Variants in ELFN2 observed in about 807,000 individuals in gnomAD.
ELFN2 encodes protein phosphatase 1 regulatory subunit 29.
A neutral mutation model predicts 45.5 loss-of-function variants in ELFN2; 17 were observed. The observed-to-expected ratio is 0.37, with a 90% CI of 0.26 to 0.56. The LOEUF (loss-of-function observed/expected upper bound fraction) is 0.56, where lower values mean the gene tolerates loss of function less well. Among genes scored for constraint, ELFN2 ranks in the 20% least tolerant of loss-of-function variants. The pLI is 0.77. For synonymous variants in ELFN2, 550 were observed against 551.5 expected (o/e 1.00, Z 0.04); for missense variants, 922 against 1,183.2 (o/e 0.78, Z 3.24).
intron 2 of ELFN2, among the ~76,000 whole-genome samples, chr22:37,400,986 G>A (rs933059864): frequency 2.6e-5 from 4 of 152,238 alleles, no homozygotes; most frequent in Non-Finnish European, 4.4e-5. Flanking sequence ...GCCAAGTCCT[G>A]GGGACGGTGC....
In ELFN2 at chr22:37,371,502, T is replaced by C. The variant is rs559224614; in HGVS notation, c.*1570A>G. On this transcript the variant is annotated 3_prime_UTR_variant, in exon 3 of 3. Coordinates refer to ENST00000402918, the MANE Select transcript of ELFN2 (RefSeq NM_052906.5). The surrounding 1 kb of genome is among the most constrained non-coding windows in gnomAD (Gnocchi z 6.4). ...GCTCCCACCCAGAGGTGAAGGATGA[T>C]GGACTCCGGCCCATCAGCATCCTGA... 6.6e-6 allele frequency: 1 copy of C among 152,294 alleles called. No homozygotes were observed. The highest frequency in any genetic ancestry group is 2.1e-4 in the South Asian group (1 of 4,828). 9.4% of individuals were successfully genotyped at this position (152,294 alleles called of 1,614,324 possible).
In ELFN2 at chr22:37,374,885, G is replaced by A. The variant is rs762221074; in HGVS notation, c.650C>T (p.Ser217Leu). ...CGGGTAGCCGGCAAACTCCCGCGGC[G>A]ACTCACACTGCAGGCGGTCGTAGTT... is the stretch of plus-strand genomic sequence containing the variant. ...TKNYDRLQCE[S>L]PREFAGYPLL... The change falls in exon 3 of 3, where the codon TCG (serine) becomes TTG (leucine). Residue 217 changes from serine to leucine, a missense_variant. Physicochemically the swap from Ser to Leu is moderately radical, Grantham distance 145 (BLOSUM62 -2). Coordinates refer to ENST00000402918, the MANE Select transcript of ELFN2 (RefSeq NM_052906.5). 9.9e-6 allele frequency: 16 copies of A among 1,611,166 alleles called. No individual in the cohort carries two copies. The highest frequency in any genetic ancestry group is 1.6e-4 in the Middle Eastern group (1 of 6,062).
In ELFN2 at chr22:37,417,109, G is replaced by A. The variant is rs1011683106; in HGVS notation, c.-463+660C>T. On this transcript the variant is annotated intron_variant, in intron 2 of 2. Transcript: ENST00000402918. The surrounding 1 kb of genome is among the most constrained non-coding windows in gnomAD (Gnocchi z 4.5). ...ACGTGGCCGCCACCAACACAGCCTC[G>A]GTGACAGCCCCAGCCTCTCCTCTCC... Among the ~76,000 whole-genome samples, 3 of 151,756 alleles carry A rather than the reference G, an allele frequency of 2.0e-5. No individual in the cohort carries two copies. The highest frequency in any genetic ancestry group is 4.4e-5 in the Non-Finnish European group (3 of 67,942).
At chr22:37,385,160 AG>A (rs1350399785) in intron 2 of ELFN2, 1 of 152,224 alleles carries the variant, frequency 6.6e-6, no homozygotes, top group Non-Finnish European at 1.5e-5. Context: ...TAGCCCGGGG[AG>A]GGATGGGCGG....
rs184211199 is a variant in ELFN2, at chr22:37,352,538, T to C, written n.149-9835A>G. On this transcript the variant is annotated intron_variant and non_coding_transcript_variant, in intron 1 of 2. Coordinates refer to ENST00000452946, the Ensembl canonical transcript of ELFN2. ...GATGCTGACCCAGGGTAAGGCCATA[T>C]AGGAGGGCTCAGGGAAGACACCACA... is the stretch of plus-strand genomic sequence containing the variant. 1.9e-3 allele frequency: 292 copies of C among 150,792 alleles called. 19 individuals are homozygous for C. Among genetic ancestry groups the C allele is most frequent in the Non-Finnish European group, 4.3e-4 (29 of 67,154 alleles). The allele number at this position is 150,792 out of a possible 1,614,324, so 9.3% of individuals were successfully genotyped here.
intron 1 of ELFN2, among the ~76,000 whole-genome samples, chr22:37,358,070 A>C (rs949211753): frequency 6.6e-6 from 1 of 151,700 alleles, no homozygotes; most frequent in Non-Finnish European, 1.5e-5. Context: ...TGGCGGGTCA[A>C]CCTCCCTCCT....
chr22:37,416,037 T>G (rs936625069), intron 2 of ELFN2, among the ~76,000 whole-genome samples: 2 of 152,120 alleles, frequency 1.3e-5, no homozygotes, highest in African/African-American at 4.8e-5. Context: ...CCAGGAGCCA[T>G]CACATCCATG....
intron 1 of ELFN2, among the ~76,000 whole-genome samples, chr22:37,349,625 C>T (rs924895812): frequency 6.6e-6 from 1 of 150,988 alleles, no homozygotes; most frequent in Non-Finnish European, 1.5e-5. Context: ...CCCTGCCCTT[C>T]AGAGAAGGCA....
chr22:37,376,206 G>A (rs1359785082), intron 2 of ELFN2, among the ~76,000 whole-genome samples: 1 of 152,102 alleles, frequency 6.6e-6, no homozygotes, highest in Non-Finnish European at 1.5e-5. Context: ...TGGGACGGAG[G>A]GAGACAGAAG....
downstream of ELFN2, among the ~76,000 whole-genome samples, chr22:37,363,598 C>G (rs1042917243): frequency 2.0e-5 from 3 of 152,104 alleles, no homozygotes; most frequent in Non-Finnish European, 2.9e-5. Flanking sequence ...GTGGGCTTGG[C>G]GCTGACAGCA....
intron 2 of ELFN2, among the ~76,000 whole-genome samples, chr22:37,402,456 C>G (rs942964318): frequency 6.6e-6 from 1 of 152,222 alleles, no homozygotes; most frequent in Non-Finnish European, 1.5e-5. Flanking sequence ...CCCCGGTGAG[C>G]GTCTGAGTTT....
chr22:37,420,610 G>A (rs1932802824), intron 1 of ELFN2: 1 of 152,620 alleles, frequency 6.6e-6, no homozygotes, highest in Non-Finnish European at 1.5e-5. Context: ...CCACACTTTA[G>A]GCTGCTAACG....
exon 3 of ELFN2, chr22:37,340,963 C>G (rs1338166173): frequency 6.6e-6 from 1 of 152,124 alleles, no homozygotes; most frequent in East Asian, 1.9e-4. Flanking sequence ...CTGTCTGAAG[C>G]CGAAGTCTAG....
At chr22:37,349,011 C>T (rs989430538) in intron 1 of ELFN2, among the ~76,000 whole-genome samples, 7 of 151,118 alleles carry the variant, frequency 4.6e-5, no homozygotes, top group African/African-American at 9.7e-5. Context: ...GCATGCTGGG[C>T]GCTTTTCATG....
At chr22:37,349,060 T>C (rs5756639) in intron 1 of ELFN2, among the ~76,000 whole-genome samples, 60,933 of 150,850 alleles carry the variant, frequency 0.4, 14,283 homozygotes, top group Middle Eastern at 0.52. Context: ...GAGCATCTCT[T>C]CTGCATGCCA....
intron 1 of ELFN2, among the ~76,000 whole-genome samples, chr22:37,419,334 AAC>A (rs373846446): frequency 0.011 from 1,719 of 150,210 alleles, 27 homozygotes; most frequent in African/African-American, 0.04. Context: ...ACTATACCCT[AAC>A]ACACACACAC....
At position 37,373,195 on chromosome 22, in the gene ELFN2, G is replaced by T. The variant is rs148420515; in HGVS notation, c.2340C>A (p.His780Gln). The change falls in exon 3 of 3, where the codon CAC becomes CAA. Residue 780 changes from histidine to glutamine, a missense_variant. Around this residue, in one of 2 missense-constraint regions of ELFN2, gnomAD observed 564 missense variants for 642.8 expected, o/e 0.88. Coordinates refer to ENST00000402918, the MANE Select transcript of ELFN2 (RefSeq NM_052906.5). Reference sequence around the variant, plus strand: ...CGGCGGCCATGTACACCTCCTCCCGGTGGTGCTTCTTGTAGGGCCGGAAGC... The same window carrying T: ...CGGCGGCCATGTACACCTCCTCCCGTTGGTGCTTCTTGTAGGGCCGGAAGC... Reference protein sequence around the residue: ...WERFRPYKKHHREEVYMAAGH... With the variant: ...WERFRPYKKHQREEVYMAAGH... The T allele has an allele frequency of 6.4e-5, 104 of 1,613,718 alleles. No homozygotes were observed. The highest frequency in any genetic ancestry group is 1.5e-5 in the Non-Finnish European group (18 of 1,180,032).
At chr22:37,365,356 A>G (rs1931180705), downstream of ELFN2, among the ~76,000 whole-genome samples, 1 of 152,186 alleles carries the variant, frequency 6.6e-6, no homozygotes, top group African/African-American at 2.4e-5. Context: ...AGTAGCTACA[A>G]GGGTCACCAG....
At chr22:37,351,349 G>A (rs1428540569) in intron 1 of ELFN2, among the ~76,000 whole-genome samples, 2 of 150,254 alleles carry the variant, frequency 1.3e-5, no homozygotes, top group Non-Finnish European at 3.0e-5. Context: ...TCAGAGAGCA[G>A]GCTAGGGCAC....
Sources: gnomAD v4.1 joint callset for allele counts (sites outside exome capture counted in the v4.1 genomes callset) on GRCh38, gnomAD v4.1.1 for gene constraint, gnomAD v4.1.1 regional missense constraint, Gnocchi (gnomAD v3.1) non-coding constraint, MANE v1.5 for transcripts, NCBI Gene and HGNC (gene_info 2026-07-23, HGNC 2026-07-21) for gene names.